Variants in SMIM21 observed in about 807,000 individuals in gnomAD.
SMIM21 encodes the protein chromosome 18 open reading frame 62.
SMIM21 carries 8 observed loss-of-function variants against 8.6 expected under a neutral mutation model. That is an observed-to-expected ratio of 0.93 (90% CI 0.55 to 1.68). The LOEUF (loss-of-function observed/expected upper bound fraction) is 1.68. Ranked by LOEUF, SMIM21 falls within the 40% of genes most tolerant of loss-of-function variation. SMIM21 has a pLI of 0.00. For missense variants in SMIM21, 132 were observed against 123.0 expected, an observed-to-expected ratio of 1.07 and a Z score of -0.35; for synonymous variants, 43 against 41.7, an observed-to-expected ratio of 1.03 and a Z score of -0.12.
chr18:75,410,587 G>T lies in SMIM21; in HGVS notation c.*277C>A. The T allele has an allele frequency of 1.6e-6, 1 of 629,212 alleles. No homozygotes were observed. The highest frequency in any genetic ancestry group is 2.4e-6 in the Non-Finnish European group (1 of 410,794). The allele number at this position is 629,212 out of a possible 1,614,324, so 39.0% of individuals were successfully genotyped here. On this transcript the variant is annotated 3_prime_UTR_variant, in exon 3 of 3. Coordinates refer to ENST00000579022, the MANE Select transcript of SMIM21 (RefSeq NM_001037331.3). ...AGAAGTTCTTTGCACTGCTGGATCT[G>T]TTTCGACACGCAGGGCAGATTTCGC...
chr18:75,418,583 CGGATGGATATT>C (rs2024673747), intron 2 of SMIM21, among the ~76,000 whole-genome samples, 192 bp downstream of exon 2: 1 of 152,154 alleles, frequency 6.6e-6, no homozygotes, highest in Non-Finnish European at 1.5e-5. Context: ...TGCTCTATCA[CGGATGGATATT>C]AATTTCATCT....
At chr18:75,426,843 G>A (rs1023681596) in intron 1 of SMIM21, among the ~76,000 whole-genome samples, 3 of 151,968 alleles carry the variant, frequency 2.0e-5, no homozygotes, top group East Asian at 1.9e-4. Context: ...TAACCTTTCC[G>A]ATATATGACT....
chr18:75,417,524 T>G (rs1004666596), intron 2 of SMIM21: 2 of 152,294 alleles, frequency 1.3e-5, no homozygotes, highest in African/African-American at 4.8e-5. Flanking sequence ...AGAATATAGC[T>G]GATGTAGAAT....
At chr18:75,411,250 T>G (rs1427672691) in intron 2 of SMIM21, among the ~76,000 whole-genome samples, 5 of 152,230 alleles carry the variant, frequency 3.3e-5, no homozygotes, top group Non-Finnish European at 7.3e-5. Flanking sequence ...GTCGAGTATA[T>G]GCGAACTCTG....
At chr18:75,422,063 C>T (rs2024713933) in intron 1 of SMIM21, among the ~76,000 whole-genome samples, 1 of 152,122 alleles carries the variant, frequency 6.6e-6, no homozygotes, top group East Asian at 1.9e-4. Context: ...AGTTCGGACT[C>T]CTTGGGGAAC....
intron 1 of SMIM21, among the ~76,000 whole-genome samples, chr18:75,422,880 A>G (rs2144558505): frequency 6.6e-6 from 1 of 152,354 alleles, no homozygotes; most frequent in East Asian, 1.9e-4. Context: ...TAGTTATGGT[A>G]AAAGTTTCAC....
At chr18:75,411,521 A>G (rs2024584688) in intron 2 of SMIM21, among the ~76,000 whole-genome samples, 2 of 152,240 alleles carry the variant, frequency 1.3e-5, no homozygotes, top group Admixed American at 1.3e-4. Flanking sequence ...ATGCATTGAG[A>G]AAAACATTTC....
chr18:75,415,092 A>G (rs1249119853), intron 2 of SMIM21, among the ~76,000 whole-genome samples: 1 of 152,140 alleles, frequency 6.6e-6, no homozygotes, highest in Non-Finnish European at 1.5e-5. Flanking sequence ...AATGGAAGAG[A>G]CACTGAGCTC....
rs2024678174 is a variant in SMIM21 at position 75,418,807 on chromosome 18, C to T, written c.239G>A (p.Arg80Lys). Reference protein sequence around the residue: ...RIQGVSEDWKRANSIFRNFLR... With the variant: ...RIQGVSEDWKKANSIFRNFLR... ...CTACTTTCGAAATATGCTGTTGGCC[C>T]TTTTCCAGTCTTCAGAAACCCCTTG... Residue 80 changes from arginine (R) to lysine (K), a missense_variant, in exon 2 of 3, where the codon AGG becomes AAG. Coordinates refer to ENST00000579022, the MANE Select transcript of SMIM21 (RefSeq NM_001037331.3). 6.2e-7 allele frequency: 1 copy of T among 1,610,642 alleles called. No individual in the cohort carries two copies. The highest frequency in any genetic ancestry group is 2.2e-5 in the East Asian group (1 of 44,842).
chr18:75,415,056 A>G (rs2024629313), intron 2 of SMIM21, among the ~76,000 whole-genome samples: 1 of 151,810 alleles, frequency 6.6e-6, no homozygotes, highest in African/African-American at 2.4e-5. Flanking sequence ...GTGCACAAAT[A>G]CTCCCTCTTC....
At position 75,410,915 on chromosome 18, in the gene SMIM21, A is replaced by G. The variant is rs371557964; in HGVS notation, c.261-6T>C. ...ATGACTTCAAACGTAGAAAGCTGCAAGAGACAAAAGGGGGAAAAAGCATTT... is the reference window on the plus strand; with the variant it reads ...ATGACTTCAAACGTAGAAAGCTGCAGGAGACAAAAGGGGGAAAAAGCATTT... On this transcript the variant is annotated splice_region_variant and splice_polypyrimidine_tract_variant and intron_variant, in intron 2 of 2. Coordinates refer to ENST00000579022, the MANE Select transcript of SMIM21 (RefSeq NM_001037331.3). 9 of 1,614,020 alleles carry G rather than the reference A, an allele frequency of 5.6e-6. No homozygotes were observed. Among genetic ancestry groups the G allele is most frequent in the African/African-American group, 5.3e-5 (4 of 74,934 alleles).
At chr18:75,423,900 G>A (rs17057046) in intron 1 of SMIM21, among the ~76,000 whole-genome samples, 6,526 of 152,012 alleles carry the variant, frequency 0.043, 200 homozygotes, top group South Asian at 0.14. Flanking sequence ...GCAAAGACAC[G>A]GTCATTTTAG....
chr18:75,411,125 G>C (rs2144541677), intron 2 of SMIM21, among the ~76,000 whole-genome samples: 1 of 152,224 alleles, frequency 6.6e-6, no homozygotes, highest in East Asian at 1.9e-4. Flanking sequence ...GAATAGCTAG[G>C]AACCCTGGAA....
intron 2 of SMIM21, chr18:75,418,076 T>TCAAG (rs1322580503): frequency 2.0e-4 from 81 of 397,030 alleles, no homozygotes; most frequent in Non-Finnish European, 3.2e-4. Flanking sequence ...CACTGGTATC[T>TCAAG]GAAACTTGGC....
chr18:75,418,494 C>T (rs909280000), intron 2 of SMIM21, among the ~76,000 whole-genome samples: 1 of 152,200 alleles, frequency 6.6e-6, no homozygotes, highest in African/African-American at 2.4e-5. Context: ...AAATGCTCAT[C>T]CTGTCTCAAG....
chr18:75,420,539 C>T (rs1418861914), intron 1 of SMIM21, among the ~76,000 whole-genome samples: 2 of 152,100 alleles, frequency 1.3e-5, no homozygotes, highest in Non-Finnish European at 2.9e-5. Flanking sequence ...ATACTTAGAT[C>T]TGTACTGCTT....
intron 2 of SMIM21, chr18:75,416,287 C>T (rs913761059): frequency 6.6e-5 from 10 of 152,264 alleles, no homozygotes; most frequent in South Asian, 4.2e-4. Context: ...TAATCAATAC[C>T]GTGGTTGAGC....
chr18:75,426,631 T>TAAAAAAAAAAAAAAAA (rs777676195), intron 1 of SMIM21, among the ~76,000 whole-genome samples: 1 of 89,256 alleles, frequency 1.1e-5, no homozygotes, highest in African/African-American at 4.8e-5. Flanking sequence ...TTTTAAAATG[T>TAAAAAAAAAAAAAAAA]AAAAAAAAAA....
rs189740366 is a variant in SMIM21, at chr18:75,418,275, T to C, written c.260+511A>G. 1.5e-3 allele frequency: 603 copies of C among 397,714 alleles called. 2 individuals carry two copies. The highest frequency in any genetic ancestry group is 0.011 in the African/African-American group (544 of 48,704). The allele number at this position is 397,714 out of a possible 1,614,324, so 24.6% of individuals were successfully genotyped here. ...ACGTTTCCAGCCAATTGTACACTTA[T>C]CTGTTGGTACACAGAGACCTTAACT... is the stretch of plus-strand genomic sequence containing the variant. On this transcript the variant is annotated intron_variant, in intron 2 of 2. Transcript: ENST00000579022.
Sources: gnomAD v4.1 joint callset for allele counts (sites outside exome capture counted in the v4.1 genomes callset) on GRCh38, gnomAD v4.1.1 for gene constraint, MANE v1.5 for transcripts, NCBI Gene and HGNC (gene_info 2026-07-23, HGNC 2026-07-21) for gene names.